The following KIF4A variants were observed in gnomAD, a reference collection of about 807,000 sequenced individuals.
KIF4A encodes kinesin family member 4A, also known as chromosome-associated kinesin KIF4A.
A neutral mutation model predicts 105.9 loss-of-function variants in KIF4A; 7 were observed. The observed-to-expected ratio is 0.07, with a 90% CI of 0.04 to 0.12. The LOEUF is 0.12. Among genes scored for constraint, KIF4A ranks in the 10% least tolerant of loss-of-function variants. The probability of loss-of-function intolerance (pLI) is 1.00; values close to 1 mark genes in which losing one functional copy is unlikely to be tolerated. For missense variants in KIF4A, 558 were observed against 929.2 expected (o/e 0.60, Z 5.19); for synonymous variants, 281 against 331.3 (o/e 0.85, Z 1.65).
intron 15 of KIF4A, among the ~76,000 whole-genome samples, chrX:70,365,260 C>T (rs2086096711): frequency 9.0e-6 from 1 of 111,672 alleles, no homozygotes; most frequent in African/African-American, 3.3e-5. Context: ...ATTTCCCTGG[C>T]CAGAACTTCC....
At chrX:70,330,083 G>A in intron 8 of KIF4A, 74 bp from the exon 9 acceptor site, 5 of 930,270 alleles carry the variant, frequency 5.4e-6, no homozygotes, top group Non-Finnish European at 7.3e-6. Flanking sequence ...TCACCAACCC[G>A]AATGGACGGC....
chrX:70,346,103 AG>A (rs756410154), intron 13 of KIF4A, among the ~76,000 whole-genome samples: 48 of 111,708 alleles, frequency 4.3e-4, no homozygotes, highest in Non-Finnish European at 6.4e-4. Flanking sequence ...AAAATAAATA[AG>A]GTTTTTTAAA....
At chrX:70,294,611 G>T (rs1029223810) in intron 3 of KIF4A, among the ~76,000 whole-genome samples, 2 of 112,286 alleles carry the variant, frequency 1.8e-5, no homozygotes, top group Non-Finnish European at 3.8e-5. Context: ...TTTCACCATC[G>T]TGTATACATT....
chrX:70,312,413 G>A (rs1427696584), intron 7 of KIF4A, among the ~76,000 whole-genome samples: 4 of 111,222 alleles, frequency 3.6e-5, no homozygotes, highest in Non-Finnish European at 7.5e-5. Context: ...CCAAAGTGCT[G>A]GGATTACAGG....
intron 7 of KIF4A, among the ~76,000 whole-genome samples, chrX:70,321,472 C>G (rs1412604635): frequency 8.9e-6 from 1 of 111,847 alleles, no homozygotes; most frequent in Admixed American, 9.5e-5. Context: ...CATTTTCCCA[C>G]AAACTACAAG....
chrX:70,319,255 T>TC (rs1281933368), intron 7 of KIF4A, among the ~76,000 whole-genome samples: 4 of 111,477 alleles, frequency 3.6e-5, no homozygotes, highest in Non-Finnish European at 7.5e-5. Context: ...AGGGCGGGAC[T>TC]CCGTCTCAAA....
Position 70,343,905 on chromosome X carries a change from G to A in KIF4A, c.1354G>A (p.Glu452Lys). The change falls in exon 13 of 31, where the codon GAG becomes AAG. Residue 452 changes from glutamate (E) to lysine (K), a missense_variant. Transcript: ENST00000374403. ...ACKLDLQKLV[E>K]TLEDQELKEN... is the part of the protein sequence containing the mutation. ...CAAACTGGATCTTCAAAAGCTAGTG[G>A]AGACTTTGGAAGACCAGGAATTGAA... 1 of 1,210,260 alleles carries A rather than the reference G, an allele frequency of 8.3e-7. No homozygotes were observed. The highest frequency in any genetic ancestry group is 1.1e-6 in the Non-Finnish European group (1 of 894,161).
At chrX:70,331,530 T>C (rs1490643652) in intron 9 of KIF4A, among the ~76,000 whole-genome samples, 2 of 109,375 alleles carry the variant, frequency 1.8e-5, no homozygotes. Flanking sequence ...AAAAATACTT[T>C]ATTGCTAAAA....
At chrX:70,365,384 A>T (rs1304588654) in intron 15 of KIF4A, among the ~76,000 whole-genome samples, 1 of 111,632 alleles carries the variant, frequency 9.0e-6, no homozygotes, top group Non-Finnish European at 1.9e-5. Flanking sequence ...TGGGTTTGTC[A>T]TAGATAGTTC....
Position 70,412,925 on chromosome X carries a change from T to TAA in KIF4A, c.3256-4951_3256-4950dup, listed in dbSNP as rs768422512. 1.9e-4 allele frequency among the ~76,000 whole-genome samples: 11 copies of TAA among 57,452 alleles called. 1 individual carries two copies. The highest frequency in any genetic ancestry group is 5.2e-4 in the Non-Finnish European group (11 of 21,086). 49.9% of individuals were successfully genotyped at this position (57,452 alleles called of 115,157 possible). A position where few individuals can be genotyped will look rare whatever the true frequency, so the allele number is the denominator to read the frequency against. On this transcript the variant is annotated intron_variant, in intron 28 of 30. Coordinates refer to ENST00000374403, the MANE Select transcript of KIF4A (RefSeq NM_012310.5). Reference sequence around the variant, plus strand: ...TGGGTGACAGAGTGAGACCCTGTCTTAAAAAAAAAAAAAGAAGGGCATTTC... The same window carrying TAA: ...TGGGTGACAGAGTGAGACCCTGTCTTAAAAAAAAAAAAAAAGAAGGGCATTTC...
At chrX:70,390,677 T>C (rs1320515808) in intron 20 of KIF4A, among the ~76,000 whole-genome samples, 1 of 111,815 alleles carries the variant, frequency 8.9e-6, no homozygotes, top group Non-Finnish European at 1.9e-5. Context: ...TATAGTTCTA[T>C]GTGTTTTGAC....
intron 15 of KIF4A, among the ~76,000 whole-genome samples, chrX:70,359,645 C>A (rs1386727301): frequency 9.0e-6 from 1 of 110,635 alleles, no homozygotes; most frequent in East Asian, 2.8e-4. Context: ...GCTGTCTGAG[C>A]ACCAGCCATC....
Position 70,371,401 on chromosome X carries a change from C to T in KIF4A, c.1675-2750C>T, listed in dbSNP as rs374932933. 1.1e-3 allele frequency among the ~76,000 whole-genome samples: 122 copies of T among 111,276 alleles called. No homozygotes were observed. In the Middle Eastern group the frequency reaches 0.023, roughly 21 times the overall value. Reference sequence around the variant, plus strand: ...TTTCTACACAGACACGGCAACCATCCGATTTCTCAATCTTTTCCCCACCTT... The same window carrying T: ...TTTCTACACAGACACGGCAACCATCTGATTTCTCAATCTTTTCCCCACCTT... On this transcript the variant is annotated intron_variant, in intron 15 of 30. Coordinates refer to ENST00000374403, the MANE Select transcript of KIF4A (RefSeq NM_012310.5).
intron 23 of KIF4A, among the ~76,000 whole-genome samples, chrX:70,403,116 G>A (rs138060282): frequency 0.016 from 1,791 of 112,072 alleles, 16 homozygotes; most frequent in Non-Finnish European, 0.025. Flanking sequence ...TTCATTTTAG[G>A]GAAAAGCCAT....
intron 15 of KIF4A, among the ~76,000 whole-genome samples, chrX:70,359,437 TTCTC>T (rs777564349): frequency 6.8e-4 from 71 of 104,530 alleles, no homozygotes; most frequent in African/African-American, 1.7e-3. Flanking sequence ...CTTTCTTTCT[TTCTC>T]TCTCTCTCTC....
At chrX:70,292,088 C>T (rs1357920869) in intron 3 of KIF4A, among the ~76,000 whole-genome samples, 2 of 111,680 alleles carry the variant, frequency 1.8e-5, no homozygotes, top group Admixed American at 1.9e-4. Context: ...AACATTTTTT[C>T]CCTGAACCAT....
intron 5 of KIF4A, 28 bp from the exon 6 acceptor site, chrX:70,301,872 A>G (rs559410302): frequency 8.3e-7 from 1 of 1,198,270 alleles, no homozygotes; most frequent in Non-Finnish European, 1.1e-6. Context: ...TATAAATCAT[A>G]AGGGAATTTT....
chrX:70,346,915 TTTTTA>T (rs1179876174), intron 13 of KIF4A, among the ~76,000 whole-genome samples: 2 of 112,192 alleles, frequency 1.8e-5, no homozygotes, highest in Non-Finnish European at 3.8e-5. Flanking sequence ...ATTAAAACTA[TTTTTA>T]TTTTAAGTGA....
At chrX:70,357,025 T>G (rs1178446695) in intron 15 of KIF4A, among the ~76,000 whole-genome samples, 2 of 112,172 alleles carry the variant, frequency 1.8e-5, no homozygotes, top group African/African-American at 6.5e-5. Flanking sequence ...GTCAATAATT[T>G]TATCTCCAAA....
Sources: allele counts gnomAD v4.1 joint callset (sites outside exome capture counted in the v4.1 genomes callset), GRCh38; gene constraint gnomAD v4.1.1; transcripts MANE v1.5; gene names NCBI Gene and HGNC (gene_info 2026-07-23, HGNC 2026-07-21).